HDAC7: variants seen among roughly 807,000 people sequenced by gnomAD.
HDAC7 encodes the protein histone deacetylase 7.
In HDAC7, 26 loss-of-function variants were observed where a neutral mutation model predicts 115.5. The ratio of observed to expected loss-of-function variants is 0.23; its 90% CI spans 0.16 to 0.31. The LOEUF is 0.31. Ranked by LOEUF, HDAC7 falls within the 10% of genes least tolerant of loss-of-function variation. The pLI is 1.00. For synonymous variants in HDAC7, 564 were observed against 550.9 expected, an observed-to-expected ratio of 1.02 and a Z score of -0.33; for missense variants, 1,068 against 1,329.0, an observed-to-expected ratio of 0.80 and a Z score of 3.05.
chr12:47,813,943 GGGCTGA>G (rs1158641614), intron 1 of HDAC7, among the ~76,000 whole-genome samples: 5 of 152,354 alleles, frequency 3.3e-5, no homozygotes, highest in African/African-American at 1.2e-4. Context: ...GAGGTGAGAG[GGGCTGA>G]GGCCTGCTGG....
At chr12:47,800,061 G>T (rs912401566) in intron 2 of HDAC7, among the ~76,000 whole-genome samples, 1 of 152,220 alleles carries the variant, frequency 6.6e-6, no homozygotes, top group South Asian at 2.1e-4. Flanking sequence ...CAAAGTACCA[G>T]TCCAGGAGTC....
intron 7 of HDAC7, among the ~76,000 whole-genome samples, 182 bp downstream of exon 7, chr12:47,796,835 A>G (rs1943876764): frequency 6.6e-6 from 1 of 152,166 alleles, no homozygotes; most frequent in African/African-American, 2.4e-5. Flanking sequence ...CACCTTAGCT[A>G]ACAGAGCAGG....
chr12:47,787,889 C>T lies in HDAC7; in HGVS notation c.2356-80G>A, dbSNP rs528172764. ...CACCAGTTTGTTAGAGCTGCCAGCC[C>T]AGCTCATCCAGCCTCCCCATTTCCA... is the stretch of plus-strand genomic sequence containing the variant. On this transcript the variant is annotated intron_variant, in intron 20 of 25. Transcript: ENST00000080059. The T allele has an allele frequency of 2.6e-6, 4 of 1,523,400 alleles. No individual in the cohort carries two copies. The Admixed American group carries it at 7.5e-5, about 29-fold the overall frequency. 94.4% of individuals were successfully genotyped at this position (1,523,400 alleles called of 1,614,324 possible).
chr12:47,797,119 G>A lies in HDAC7; in HGVS notation c.601C>T (p.Arg201Cys), dbSNP rs1943895972. ...KTVSEPNLKL[R>C]YKPKKSLERR... ...TCCAGGGACTTCTTGGGCTTATAGC[G>A]CAGCTTCAGGTTGGGCTCAGAGACT... is the stretch of plus-strand genomic sequence containing the variant. The change falls in exon 7 of 26, where the codon CGC becomes TGC. Residue 201 changes from arginine (R) to cysteine (C), a missense_variant. Arg to Cys is a radical substitution (Grantham distance 180, BLOSUM62 -3). Coordinates refer to ENST00000080059, the MANE Select transcript of HDAC7 (RefSeq NM_015401.5). The surrounding 1 kb of genome is among the most constrained non-coding windows in gnomAD (Gnocchi z 5.5). The A allele has an allele frequency of 1.2e-6, 2 of 1,602,662 alleles. No individual in the cohort carries two copies. The highest frequency in any genetic ancestry group is 1.7e-6 in the Non-Finnish European group (2 of 1,174,864).
In HDAC7 at chr12:47,786,733, G is replaced by A. The variant is rs114734846; in HGVS notation, c.2454-30C>T. On this transcript the variant is annotated intron_variant, in intron 21 of 25. Coordinates refer to ENST00000080059, the MANE Select transcript of HDAC7 (RefSeq NM_015401.5). ...GAGGTCACAAGAAGTGGCGATCATCGTACTGTGCAGGGTTGCCAGGGGCGG... is the reference window on the plus strand; with the variant it reads ...GAGGTCACAAGAAGTGGCGATCATCATACTGTGCAGGGTTGCCAGGGGCGG... The A allele has an allele frequency of 4.4e-5, 69 of 1,573,822 alleles. No individual in the cohort carries two copies. The African/African-American group carries it at 7.1e-4, about 16-fold the overall frequency.
chr12:47,788,172 G>C lies in HDAC7; in HGVS notation c.2236-8C>G. The stretch of plus-strand genomic sequence containing the variant: ...GTTGCCATGGTGCACGTCCTGTGTA[G>C]GGAGACGGGCAGCGATTAGGGAAGG... On this transcript the variant is annotated splice_region_variant and splice_polypyrimidine_tract_variant and intron_variant, in intron 19 of 25. Coordinates refer to ENST00000080059, the MANE Select transcript of HDAC7 (RefSeq NM_015401.5). 2 of 1,598,564 alleles carry C rather than the reference G, an allele frequency of 1.3e-6. No individual in the cohort carries two copies. Among genetic ancestry groups the C allele is most frequent in the East Asian group, 2.2e-5 (1 of 44,742 alleles).
chr12:47,786,729 C>T (rs780059215), intron 21 of HDAC7, 26 bp from the exon 22 acceptor site: 14 of 1,585,500 alleles, frequency 8.8e-6, no homozygotes, highest in Non-Finnish European at 1.2e-5. Context: ...AAGTGGCGAT[C>T]ATCGTACTGT....
rs530130874 is a variant in HDAC7 at position 47,783,898 on chromosome 12, G to T, written c.2931-12C>A. ...GCTGCTCCGAGGGCCTGTGGGGAGGGACAAGGGTGGGATGCTGGAGCACCA... is the reference window on the plus strand; with the variant it reads ...GCTGCTCCGAGGGCCTGTGGGGAGGTACAAGGGTGGGATGCTGGAGCACCA... On this transcript the variant is annotated splice_polypyrimidine_tract_variant and intron_variant, in intron 25 of 25. Coordinates refer to ENST00000080059, the MANE Select transcript of HDAC7 (RefSeq NM_015401.5). 7 of 1,612,932 alleles carry T rather than the reference G, an allele frequency of 4.3e-6. No individual in the cohort carries two copies. Among genetic ancestry groups the T allele is most frequent in the Non-Finnish European group, 5.9e-6 (7 of 1,179,730 alleles).
chr12:47,786,784 C>A, intron 21 of HDAC7, 81 bp from the exon 22 acceptor site: 1 of 1,092,024 alleles, frequency 9.2e-7, no homozygotes, highest in South Asian at 1.3e-5. Flanking sequence ...GGTGGGGCAC[C>A]CTGTTCTTAG....
At position 47,798,034 on chromosome 12, in the gene HDAC7, G is replaced by A; in HGVS notation, c.461+74C>T. Reference sequence around the variant, plus strand: ...CTGGGGAGGAAGGAGGCAAGTGTGTGTGCTCATGGCTAACACGGGGGCGGG... The same window carrying A: ...CTGGGGAGGAAGGAGGCAAGTGTGTATGCTCATGGCTAACACGGGGGCGGG... On this transcript the variant is annotated intron_variant, in intron 5 of 25. Transcript: ENST00000080059. The surrounding 1 kb of genome is among the most constrained non-coding windows in gnomAD (Gnocchi z 4.3). 2.8e-6 allele frequency: 3 copies of A among 1,055,344 alleles called. No homozygotes were observed. Among genetic ancestry groups the A allele is most frequent in the South Asian group, 2.5e-5 (2 of 79,764 alleles). 65.4% of individuals were successfully genotyped at this position (1,055,344 alleles called of 1,614,324 possible). A position where few individuals can be genotyped will look rare whatever the true frequency, so the allele number is the denominator to read the frequency against.
rs977170916 is a variant in HDAC7 at position 47,793,870 on chromosome 12, T to C, written c.1459-282A>G. Among the ~76,000 whole-genome samples, 1 of 152,202 alleles carries C rather than the reference T, an allele frequency of 6.6e-6. No homozygotes were observed. Among genetic ancestry groups the C allele is most frequent in the Non-Finnish European group, 1.5e-5 (1 of 68,042 alleles). On this transcript the variant is annotated intron_variant, in intron 12 of 25. Transcript: ENST00000080059. This position sits in a 1 kb window ranked among gnomAD's most constrained non-coding sequence, Gnocchi z 4.5. ...ACCAGGGGAGGGGCGCTGGATCTTG[T>C]GCTGACCAGGATGTCCTCCTGTCCT...
intron 16 of HDAC7, 28 bp from the exon 17 acceptor site, chr12:47,789,948 T>C: frequency 6.6e-7 from 1 of 1,525,594 alleles, no homozygotes; most frequent in Non-Finnish European, 9.1e-7. Flanking sequence ...AGGGCCCGCA[T>C]CATCCAAGGC....
At position 47,792,317 on chromosome 12, in the gene HDAC7, C is replaced by T. The variant is rs190395353; in HGVS notation, c.1679-313G>A. On this transcript the variant is annotated intron_variant, in intron 13 of 25. Coordinates refer to ENST00000080059, the MANE Select transcript of HDAC7 (RefSeq NM_015401.5). ...CACGACTGCTGGGTGGCCCAGGACT[C>T]GAGGGCCCAGCACCAGGCCCTCAAG... 7.9e-3 allele frequency: 3,402 copies of T among 431,242 alleles called. 28 individuals are homozygous for T. Among genetic ancestry groups the T allele is most frequent in the Middle Eastern group, 0.015 (23 of 1,560 alleles). The allele number at this position is 431,242 out of a possible 1,614,324, so 26.7% of individuals were successfully genotyped here.
At position 47,783,794 on chromosome 12, in the gene HDAC7, G is replaced by A. The variant is rs765329099; in HGVS notation, c.*47C>T. 6.3e-7 allele frequency: 1 copy of A among 1,586,438 alleles called. No homozygotes were observed. Among genetic ancestry groups the A allele is most frequent in the South Asian group, 1.1e-5 (1 of 87,888 alleles). ...GGGGCTATTGCCAGGGGTTAGAAGA[G>A]AACCAGGTCCCAAGGGCATGGTGGG... On this transcript the variant is annotated 3_prime_UTR_variant, in exon 26 of 26. Transcript: ENST00000080059.
chr12:47,791,855 A>AC lies in HDAC7; in HGVS notation c.1812+15dup. The AC allele has an allele frequency of 9.1e-7, 1 of 1,102,706 alleles. No homozygotes were observed. Among genetic ancestry groups the AC allele is most frequent in the Non-Finnish European group, 1.2e-6 (1 of 867,770 alleles). The allele number at this position is 1,102,706 out of a possible 1,614,324, so 68.3% of individuals were successfully genotyped here. On this transcript the variant is annotated intron_variant, in intron 14 of 25. Transcript: ENST00000080059. ...TCCCTCCACCCATTCCTCGGGCCCC[A>AC]CCCGCGCCTCCTCACCTCACACTGG...
intron 1 of HDAC7, among the ~76,000 whole-genome samples, chr12:47,809,813 C>T (rs137872609): frequency 2.1e-3 from 315 of 152,298 alleles, no homozygotes; most frequent in African/African-American, 7.0e-3. Flanking sequence ...TCAAGTGATC[C>T]GCCCACCTCT....
Position 47,795,488 on chromosome 12 carries a change from G to C in HDAC7, c.1087+99C>G. On this transcript the variant is annotated intron_variant, in intron 10 of 25. Coordinates refer to ENST00000080059, the MANE Select transcript of HDAC7 (RefSeq NM_015401.5). The surrounding 1 kb of genome is among the most constrained non-coding windows in gnomAD (Gnocchi z 4.3). ...GTGCAGCAGGGCAATGCGCAGGACAGGGGGACAGAGATGGGGAGGAAGGAT... is the reference window on the plus strand; with the variant it reads ...GTGCAGCAGGGCAATGCGCAGGACACGGGGACAGAGATGGGGAGGAAGGAT... The C allele has an allele frequency of 1.4e-6, 2 of 1,411,496 alleles. No individual in the cohort carries two copies. The highest frequency in any genetic ancestry group is 1.9e-6 in the Non-Finnish European group (2 of 1,027,110). 87.4% of individuals were successfully genotyped at this position (1,411,496 alleles called of 1,614,324 possible).
chr12:47,798,704 C>T lies in HDAC7; in HGVS notation c.259-52G>A. 1 of 1,579,992 alleles carries T rather than the reference C, an allele frequency of 6.3e-7. No individual in the cohort carries two copies. Among genetic ancestry groups the T allele is most frequent in the African/African-American group, 1.3e-5 (1 of 74,248 alleles). On this transcript the variant is annotated intron_variant, in intron 3 of 25. Transcript: ENST00000080059. The surrounding 1 kb of genome is among the most constrained non-coding windows in gnomAD (Gnocchi z 4.3). ...AGGGACAAGGAGTTGAGGACTGAGACTGGTGTCTAGGGATGCTGAAGGCGG... is the reference window on the plus strand; with the variant it reads ...AGGGACAAGGAGTTGAGGACTGAGATTGGTGTCTAGGGATGCTGAAGGCGG...
chr12:47,792,184 C>A (rs1225903562), intron 13 of HDAC7, 180 bp from the exon 14 acceptor site: 5 of 650,670 alleles, frequency 7.7e-6, no homozygotes, highest in African/African-American at 7.3e-5. Flanking sequence ...CAGCCCCTCA[C>A]ACCTGTCCAC....
Sources: allele counts gnomAD v4.1 joint callset (sites outside exome capture counted in the v4.1 genomes callset), GRCh38; gene constraint gnomAD v4.1.1; non-coding constraint Gnocchi (gnomAD v3.1); transcripts MANE v1.5; gene names NCBI Gene and HGNC (gene_info 2026-07-23, HGNC 2026-07-21).